Variants in LARP4B observed in about 807,000 individuals in gnomAD.
LARP4B encodes La ribonucleoprotein 4B, also known as la-related protein 4B.
Under a neutral mutation model 89.8 loss-of-function variants are expected in LARP4B, and 12 were observed. That is an observed-to-expected ratio of 0.13 (90% confidence interval 0.09 to 0.22). The LOEUF is 0.22. Ranked by LOEUF, LARP4B falls within the 10% of genes least tolerant of loss-of-function variation. The probability of loss-of-function intolerance (pLI) is 1.00; values close to 1 mark genes in which losing one functional copy is unlikely to be tolerated. For synonymous variants in LARP4B, 367 were observed against 363.3 expected (o/e 1.01, Z -0.12); for missense variants, 757 against 947.7 (o/e 0.80, Z 2.64).
At chr10:930,946 G>A (rs777737497) in intron 1 of LARP4B, among the ~76,000 whole-genome samples, 1 of 150,398 alleles carries the variant, frequency 6.6e-6, no homozygotes, top group African/African-American at 2.4e-5. Flanking sequence ...CGGCCTGGGG[G>A]CGCTCGCGGC....
intron 1 of LARP4B, chr10:903,557 A>T (rs1190477549): frequency 6.6e-6 from 1 of 152,358 alleles, no homozygotes; most frequent in Non-Finnish European, 1.5e-5. Flanking sequence ...GGACAAACGT[A>T]GTAGCATGGG....
chr10:849,074 C>G (rs1833917106), intron 5 of LARP4B, among the ~76,000 whole-genome samples: 1 of 152,096 alleles, frequency 6.6e-6, no homozygotes, highest in South Asian at 2.1e-4. Context: ...GCAGCCACCT[C>G]AAGGTAGACT....
intron 1 of LARP4B, among the ~76,000 whole-genome samples, chr10:897,233 A>G (rs1302242502): frequency 3.3e-5 from 5 of 152,240 alleles, no homozygotes; most frequent in East Asian, 3.8e-4. Context: ...TTACATTTAT[A>G]GACAACTGAT....
chr10:830,126 A>G (rs1454859304), intron 9 of LARP4B, among the ~76,000 whole-genome samples: 1 of 152,244 alleles, frequency 6.6e-6, no homozygotes, highest in African/African-American at 2.4e-5. Context: ...GATTAGGATC[A>G]TAACATCCAA....
chr10:975,679 G>A, the LARP4B span, among the ~76,000 whole-genome samples: 32 of 152,304 alleles, frequency 2.1e-4, no homozygotes, highest in Non-Finnish European at 3.1e-4. Flanking sequence ...ATTGTGGCCC[G>A]GCCTAGTACA....
At chr10:979,746 T>C in the LARP4B span, among the ~76,000 whole-genome samples, 1 of 152,030 alleles carries the variant, frequency 6.6e-6, no homozygotes, top group Non-Finnish European at 1.5e-5. Flanking sequence ...CTGAGGTGGG[T>C]GGATCACGAG....
chr10:906,647 C>T (rs1177953687), intron 1 of LARP4B, among the ~76,000 whole-genome samples: 1 of 152,198 alleles, frequency 6.6e-6, no homozygotes, highest in Admixed American at 6.5e-5. Flanking sequence ...TGCTCAGTTT[C>T]AGCACAAAAT....
intron 1 of LARP4B, among the ~76,000 whole-genome samples, chr10:891,816 G>C (rs1836031109): frequency 6.6e-6 from 1 of 152,204 alleles, no homozygotes; most frequent in South Asian, 2.1e-4. Context: ...TTTTCCAACA[G>C]AAGGGATTAC....
At chr10:874,460 A>G (rs1025205421) in intron 3 of LARP4B, among the ~76,000 whole-genome samples, 3 of 152,236 alleles carry the variant, frequency 2.0e-5, no homozygotes, top group African/African-American at 7.2e-5. Flanking sequence ...AGGAACGCAC[A>G]GCCTGCCATC....
rs185399548 is a variant in LARP4B, at chr10:817,019, G to A, written c.1695+706C>T. 5.3e-3 allele frequency among the ~76,000 whole-genome samples: 801 copies of A among 152,260 alleles called. 6 individuals carry two copies. Among genetic ancestry groups the A allele is most frequent in the South Asian group, 7.3e-3 (35 of 4,820 alleles). On this transcript the variant is annotated intron_variant, in intron 15 of 17. Coordinates refer to ENST00000316157, the MANE Select transcript of LARP4B (RefSeq NM_015155.3). ...CTGGGGAAAGGGCCCCTGGCACAGGGGACACCGGCAACCTGGAGTGCTCAG... is the reference window on the plus strand; with the variant it reads ...CTGGGGAAAGGGCCCCTGGCACAGGAGACACCGGCAACCTGGAGTGCTCAG...
intron 1 of LARP4B, among the ~76,000 whole-genome samples, chr10:924,019 A>G (rs767826324): frequency 3.9e-5 from 6 of 152,126 alleles, no homozygotes; most frequent in Non-Finnish European, 5.9e-5. Context: ...GGACTGCTTG[A>G]ACCCAGGAAT....
At position 838,475 on chromosome 10, in the gene LARP4B, CAA is replaced by C. The variant is rs370180748; in HGVS notation, c.647-1971_647-1970del. Among the ~76,000 whole-genome samples, 328 of 152,270 alleles carry C rather than the reference CAA, an allele frequency of 2.2e-3. 4 individuals are homozygous for C. Among genetic ancestry groups the C allele is most frequent in the African/African-American group, 7.6e-3 (317 of 41,538 alleles). On this transcript the variant is annotated intron_variant, in intron 7 of 17. Transcript: ENST00000316157. ...GCAGAAGACCTGGACAGACACTTCA[CAA>C]AAGATTTACAGAGGGCGAATCTACA... is the stretch of plus-strand genomic sequence containing the variant.
At chr10:931,032 C>A (rs1428573733) in intron 1 of LARP4B, among the ~76,000 whole-genome samples, 2 of 151,030 alleles carry the variant, frequency 1.3e-5, no homozygotes, top group African/African-American at 2.4e-5. Context: ...GCCTCCCGAC[C>A]CTGACCCCGG....
At chr10:874,928 T>G (rs992792028) in intron 3 of LARP4B, among the ~76,000 whole-genome samples, 1 of 152,188 alleles carries the variant, frequency 6.6e-6, no homozygotes, top group Non-Finnish European at 1.5e-5. Context: ...ATCCATTTTG[T>G]CACACGTCTT....
intron 17 of LARP4B, among the ~76,000 whole-genome samples, chr10:813,729 T>A (rs4880743): frequency 0.23 from 35,323 of 152,002 alleles, 4,634 homozygotes; most frequent in South Asian, 0.4. Flanking sequence ...TCAAGAAATG[T>A]GTAATAGGGT....
the LARP4B span, among the ~76,000 whole-genome samples, chr10:956,080 C>T: frequency 6.7e-6 from 1 of 149,392 alleles, no homozygotes; most frequent in Admixed American, 6.7e-5. The surrounding 1 kb of genome is among the most constrained non-coding windows in gnomAD (Gnocchi z 4.3). Context: ...GCCAGGTTTC[C>T]GGCTAATCCA....
chr10:884,709 T>C (rs1472586807), intron 2 of LARP4B, among the ~76,000 whole-genome samples: 1 of 152,194 alleles, frequency 6.6e-6, no homozygotes, highest in South Asian at 2.1e-4. Context: ...AAGTTCTTTG[T>C]AGATTCAATG....
At chr10:884,592 A>G (rs1835794474) in intron 2 of LARP4B, 86 bp from the exon 3 acceptor site, 3 of 807,262 alleles carry the variant, frequency 3.7e-6, no homozygotes, top group Non-Finnish European at 6.2e-6. Context: ...AGGCAAAACT[A>G]AACCCACCAA....
At chr10:855,587 C>T (rs1834259800) in intron 5 of LARP4B, among the ~76,000 whole-genome samples, 1 of 151,906 alleles carries the variant, frequency 6.6e-6, no homozygotes, top group Admixed American at 6.6e-5. Flanking sequence ...TCCTGGCACC[C>T]CAAAACAATG....
Sources: allele counts gnomAD v4.1 joint callset (sites outside exome capture counted in the v4.1 genomes callset), GRCh38; gene constraint gnomAD v4.1.1; non-coding constraint Gnocchi (gnomAD v3.1); transcripts MANE v1.5; gene names NCBI Gene and HGNC (gene_info 2026-07-23, HGNC 2026-07-21).